The following SLC6A3 variants were observed in gnomAD, a reference collection of about 807,000 sequenced individuals.
The protein encoded by SLC6A3 is sodium-dependent dopamine transporter.
SLC6A3 carries 19 observed loss-of-function variants against 70.4 expected under a neutral mutation model. The ratio of observed to expected loss-of-function variants is 0.27; its 90% CI spans 0.19 to 0.40. SLC6A3 has a LOEUF of 0.40. SLC6A3 is among the 10% of genes least tolerant of loss of function. SLC6A3 has a pLI of 1.00. For missense variants in SLC6A3, 613 were observed against 838.5 expected (o/e 0.73, Z 3.32); for synonymous variants, 368 against 356.6 (o/e 1.03, Z -0.36).
At chr5:1,418,393 A>G (rs1006598297) in intron 6 of SLC6A3, among the ~76,000 whole-genome samples, 5 of 152,030 alleles carry the variant, frequency 3.3e-5, no homozygotes, top group Admixed American at 6.5e-5. Context: ...TCTATTATCT[A>G]TCAATCAATC....
Position 1,393,515 on chromosome 5 carries a change from C to A in SLC6A3, c.*1220G>T, listed in dbSNP as rs1168426020. On this transcript the variant is annotated 3_prime_UTR_variant, in exon 15 of 15. Coordinates refer to ENST00000270349, the MANE Select transcript of SLC6A3 (RefSeq NM_001044.5). The stretch of plus-strand genomic sequence containing the variant: ...CACGCACCTGAGAGAAATAAAATTC[C>A]AGTGGGGTCCCTTCCTGGAGGTCAC... The A allele has an allele frequency of 1.3e-5, 2 of 154,228 alleles. No homozygotes were observed. The highest frequency in any genetic ancestry group is 2.9e-5 in the Non-Finnish European group (2 of 68,230). The allele number at this position is 154,228 out of a possible 1,614,324, so 9.6% of individuals were successfully genotyped here. A position where few individuals can be genotyped will look rare whatever the true frequency, so the allele number is the denominator to read the frequency against.
Position 1,408,939 on chromosome 5 carries a change from G to C in SLC6A3, c.1498+87C>G. ...CCCAGGCTTCCTGCAGCTGAAAGGT[G>C]TTTCCTCACGGAGCCTTTTTCAGAA... is the stretch of plus-strand genomic sequence containing the variant. On this transcript the variant is annotated intron_variant, in intron 11 of 14. Coordinates refer to ENST00000270349, the MANE Select transcript of SLC6A3 (RefSeq NM_001044.5). The surrounding 1 kb of genome is among the most constrained non-coding windows in gnomAD (Gnocchi z 6.4). 1.1e-6 allele frequency: 1 copy of C among 916,960 alleles called. No individual in the cohort carries two copies. Among genetic ancestry groups the C allele is most frequent in the Non-Finnish European group, 1.8e-6 (1 of 564,068 alleles). 56.8% of individuals were successfully genotyped at this position (916,960 alleles called of 1,614,324 possible). A position where few individuals can be genotyped will look rare whatever the true frequency, so the allele number is the denominator to read the frequency against.
At position 1,392,922 on chromosome 5, in the gene SLC6A3, C is replaced by T. The variant is rs530157906; in HGVS notation, c.*1813G>A. Reference sequence around the variant, plus strand: ...CCTCCCCAGAAGGCGATGGGGAAGCCGCTCTCTGTGCTGACTGCAGCAGCC... The same window carrying T: ...CCTCCCCAGAAGGCGATGGGGAAGCTGCTCTCTGTGCTGACTGCAGCAGCC... On this transcript the variant is annotated 3_prime_UTR_variant, in exon 15 of 15. Transcript: ENST00000270349. 5 of 150,916 alleles carry T rather than the reference C, an allele frequency of 3.3e-5. No homozygotes were observed. The highest frequency in any genetic ancestry group is 6.6e-5 in the Admixed American group (1 of 15,214). 9.3% of individuals were successfully genotyped at this position (150,916 alleles called of 1,614,324 possible). A position where few individuals can be genotyped will look rare whatever the true frequency, so the allele number is the denominator to read the frequency against.
intron 3 of SLC6A3, among the ~76,000 whole-genome samples, chr5:1,440,497 C>G (rs1756949370): frequency 6.7e-6 from 1 of 148,778 alleles, no homozygotes; most frequent in Non-Finnish European, 1.5e-5. Flanking sequence ...AGATGATTGA[C>G]AGATAATAGA....
intron 8 of SLC6A3, among the ~76,000 whole-genome samples, chr5:1,412,665 T>A (rs1281199424): frequency 6.6e-6 from 1 of 152,186 alleles, no homozygotes; most frequent in East Asian, 1.9e-4. Flanking sequence ...CCTTGCATCC[T>A]CCACTGGCTG....
intron 3 of SLC6A3, among the ~76,000 whole-genome samples, chr5:1,433,993 G>A (rs951049615): frequency 5.3e-5 from 8 of 151,362 alleles, no homozygotes; most frequent in African/African-American, 1.9e-4. Flanking sequence ...AACTATCTAC[G>A]GCCACCCATG....
In SLC6A3 at chr5:1,405,512, G is replaced by C. The variant is rs1417445534; in HGVS notation, c.1599+676C>G. On this transcript the variant is annotated intron_variant, in intron 12 of 14. Transcript: ENST00000270349. The surrounding 1 kb of genome is among the most constrained non-coding windows in gnomAD (Gnocchi z 5.3). ...GGGACACTCTGCTTAGACTTGGACA[G>C]CTCTTAGGTTGCCTGCCCAGATCAG... Among the ~76,000 whole-genome samples the C allele has an allele frequency of 1.3e-5, 2 of 152,240 alleles. No individual in the cohort carries two copies. Among genetic ancestry groups the C allele is most frequent in the Admixed American group, 6.5e-5 (1 of 15,284 alleles).
rs990594616 is a variant in SLC6A3 at position 1,402,241 on chromosome 5, G to A, written c.1767+681C>T. The stretch of plus-strand genomic sequence containing the variant: ...GTGAGGGCGACCCTCTTCCAAGGAG[G>A]GAGTGTCCTTGTCTCTTCCTGGAAC... On this transcript the variant is annotated intron_variant, in intron 13 of 14. Transcript: ENST00000270349. This position sits in a 1 kb window ranked among gnomAD's most constrained non-coding sequence, Gnocchi z 8.5. Among the ~76,000 whole-genome samples the A allele has an allele frequency of 2.0e-5, 3 of 151,948 alleles. No individual in the cohort carries two copies. The highest frequency in any genetic ancestry group is 7.3e-5 in the African/African-American group (3 of 41,356).
chr5:1,409,163 T>A (rs777298209), intron 10 of SLC6A3, 38 bp from the exon 11 acceptor site: 2 of 1,461,176 alleles, frequency 1.4e-6, no homozygotes, highest in Non-Finnish European at 9.5e-7. Flanking sequence ...ACAGAAGGGC[T>A]TTCCCCAGAG....
intron 12 of SLC6A3, 140 bp from the exon 13 acceptor site, chr5:1,403,229 A>C (rs1755893612): frequency 1.1e-6 from 1 of 949,484 alleles, no homozygotes; most frequent in Non-Finnish European, 1.6e-6. Flanking sequence ...AGGCCTGCAG[A>C]CATGGCAGCT....
chr5:1,400,785 A>T, intron 14 of SLC6A3, 130 bp downstream of exon 14: 1 of 747,408 alleles, frequency 1.3e-6, no homozygotes, highest in Non-Finnish European at 2.4e-6. Context: ...CTGTCCTCAT[A>T]GAGCACATGC....
Position 1,442,861 on chromosome 5 carries a change from CT to C in SLC6A3, c.286+50del, listed in dbSNP as rs1733713814. 1 of 1,605,484 alleles carries C rather than the reference CT, an allele frequency of 6.2e-7. No individual in the cohort carries two copies. Among genetic ancestry groups the C allele is most frequent in the Non-Finnish European group, 8.5e-7 (1 of 1,172,818 alleles). On this transcript the variant is annotated intron_variant, in intron 2 of 14. Transcript: ENST00000270349. This position sits in a 1 kb window ranked among gnomAD's most constrained non-coding sequence, Gnocchi z 5.0. ...GTACGTGCCTTGGCCCCGGCTGCCC[CT>C]ACGACCCCCGCCCGGCCAGCATGCT... is the stretch of plus-strand genomic sequence containing the variant.
chr5:1,406,356 G>T lies in SLC6A3; in HGVS notation c.1499-68C>A, dbSNP rs1402283465. The T allele has an allele frequency of 7.4e-7, 1 of 1,357,822 alleles. No homozygotes were observed. Among genetic ancestry groups the T allele is most frequent in the Non-Finnish European group, 1.1e-6 (1 of 947,692 alleles). 84.1% of individuals were successfully genotyped at this position (1,357,822 alleles called of 1,614,324 possible). The stretch of plus-strand genomic sequence containing the variant: ...ATTCCCCCGATGCTGGACACGTGTG[G>T]GGGTCCTCGCTGACTCCCAAGGGCC... On this transcript the variant is annotated intron_variant, in intron 11 of 14. Coordinates refer to ENST00000270349, the MANE Select transcript of SLC6A3 (RefSeq NM_001044.5). This position sits in a 1 kb window ranked among gnomAD's most constrained non-coding sequence, Gnocchi z 8.8.
intron 4 of SLC6A3, among the ~76,000 whole-genome samples, chr5:1,423,880 T>G (rs1449888436): frequency 6.6e-6 from 1 of 152,098 alleles, no homozygotes; most frequent in Non-Finnish European, 1.5e-5. Flanking sequence ...ACTGCCCAGG[T>G]TTGCTTCTGT....
chr5:1,423,582 T>C (rs114502948), intron 4 of SLC6A3, among the ~76,000 whole-genome samples: 1,622 of 152,332 alleles, frequency 0.011, 27 homozygotes, highest in African/African-American at 0.037. Context: ...GCAGTTCCAC[T>C]GTTTTTTGAA....
rs1199183790 is a variant in SLC6A3, at chr5:1,405,044, CT to C, written c.1599+1143del. On this transcript the variant is annotated intron_variant, in intron 12 of 14. Transcript: ENST00000270349. The surrounding 1 kb of genome is among the most constrained non-coding windows in gnomAD (Gnocchi z 5.3). ...CTGACTTTCTGGGAGGGCTTCCTCA[CT>C]TTCCCCTCTGAACAGCCATGTAGTC... 6.6e-6 allele frequency among the ~76,000 whole-genome samples: 1 copy of C among 152,200 alleles called. No individual in the cohort carries two copies. The highest frequency in any genetic ancestry group is 2.4e-5 in the African/African-American group (1 of 41,448).
At position 1,397,273 on chromosome 5, in the gene SLC6A3, A is replaced by G. The variant is rs1755742413; in HGVS notation, c.1840-2515T>C. ...CACAAAACATATCCAGAGAGGAAAA[A>G]TAAAAAGAAACCAAATTAACGGTGG... On this transcript the variant is annotated intron_variant, in intron 14 of 14. Transcript: ENST00000270349. This position sits in a 1 kb window ranked among gnomAD's most constrained non-coding sequence, Gnocchi z 4.7. Among the ~76,000 whole-genome samples the G allele has an allele frequency of 6.6e-6, 1 of 152,214 alleles. No individual in the cohort carries two copies. Among genetic ancestry groups the G allele is most frequent in the Non-Finnish European group, 1.5e-5 (1 of 68,036 alleles).
intron 8 of SLC6A3, among the ~76,000 whole-genome samples, chr5:1,412,909 G>A (rs910497913): frequency 3.3e-5 from 5 of 152,242 alleles, no homozygotes; most frequent in Non-Finnish European, 7.3e-5. Flanking sequence ...CAGCCTCCGC[G>A]TGGGGTGGGG....
At position 1,406,373 on chromosome 5, in the gene SLC6A3, C is replaced by T; in HGVS notation, c.1499-85G>A. The T allele has an allele frequency of 8.6e-7, 1 of 1,166,202 alleles. No homozygotes were observed. The highest frequency in any genetic ancestry group is 1.3e-6 in the Non-Finnish European group (1 of 774,382). 72.2% of individuals were successfully genotyped at this position (1,166,202 alleles called of 1,614,324 possible). On this transcript the variant is annotated intron_variant, in intron 11 of 14. Coordinates refer to ENST00000270349, the MANE Select transcript of SLC6A3 (RefSeq NM_001044.5). This position sits in a 1 kb window ranked among gnomAD's most constrained non-coding sequence, Gnocchi z 8.8. ...CACGTGTGGGGGTCCTCGCTGACTC[C>T]CAAGGGCCCCACCTACCGGCCCCAG...
Sources: allele counts gnomAD v4.1 joint callset (sites outside exome capture counted in the v4.1 genomes callset), GRCh38; gene constraint gnomAD v4.1.1; non-coding constraint Gnocchi (gnomAD v3.1); transcripts MANE v1.5; gene names NCBI Gene and HGNC (gene_info 2026-07-23, HGNC 2026-07-21).